Variants in MAN1C1 observed in about 807,000 individuals in gnomAD.
MAN1C1 encodes the protein mannosidase alpha class 1C member 1.
In MAN1C1, 49 loss-of-function variants were observed where a neutral mutation model predicts 71.5. That is an observed-to-expected ratio of 0.69 (90% confidence interval 0.54 to 0.87). MAN1C1 has a LOEUF of 0.87. MAN1C1 is among the 40% of genes least tolerant of loss of function. The pLI is 0.00. For synonymous variants in MAN1C1, 352 were observed against 343.7 expected (o/e 1.02, Z -0.27); for missense variants, 743 against 835.0 (o/e 0.89, Z 1.36).
At chr1:25,660,689 C>T (rs546268256) in intron 1 of MAN1C1, among the ~76,000 whole-genome samples, 4 of 151,256 alleles carry the variant, frequency 2.6e-5, no homozygotes, top group East Asian at 2.0e-4. Context: ...TCACCATGCC[C>T]GGCCTGAAAC....
At chr1:25,679,260 A>G (rs2046111774) in intron 1 of MAN1C1, among the ~76,000 whole-genome samples, 1 of 152,302 alleles carries the variant, frequency 6.6e-6, no homozygotes, top group Middle Eastern at 3.4e-3. Flanking sequence ...GAGTAGGAAG[A>G]AAACAGGCAC....
intron 2 of MAN1C1, among the ~76,000 whole-genome samples, chr1:25,695,504 T>C (rs1360634669): frequency 6.6e-6 from 1 of 152,160 alleles, no homozygotes; most frequent in African/African-American, 2.4e-5. Context: ...GGCCACCTTC[T>C]GATGATCAGA....
Position 25,764,274 on chromosome 1 carries a change from C to T in MAN1C1, c.1141+307C>T, listed in dbSNP as rs1168685553. On this transcript the variant is annotated intron_variant, in intron 7 of 11. Transcript: ENST00000374332. The surrounding 1 kb of genome is among the most constrained non-coding windows in gnomAD (Gnocchi z 4.4). ...CAGCCTTCCATCTCTTATGCTGCTG[C>T]GGGAGCCTCCTGCATTATACCCCAG... Among the ~76,000 whole-genome samples, 1 of 152,132 alleles carries T rather than the reference C, an allele frequency of 6.6e-6. No individual in the cohort carries two copies. The highest frequency in any genetic ancestry group is 2.4e-5 in the African/African-American group (1 of 41,420).
chr1:25,643,145 G>A (rs1448638461), intron 1 of MAN1C1, among the ~76,000 whole-genome samples: 3 of 152,000 alleles, frequency 2.0e-5, no homozygotes, highest in African/African-American at 7.3e-5. Flanking sequence ...CAGAGGGACG[G>A]GGTTGGGGAG....
At chr1:25,619,223 G>A (rs541311830) in intron 1 of MAN1C1, among the ~76,000 whole-genome samples, 368 of 152,352 alleles carry the variant, frequency 2.4e-3, no homozygotes, top group Non-Finnish European at 4.4e-3. Context: ...GCAATGCAGA[G>A]GGGGCTGCAG....
At chr1:25,693,492 G>A (rs2092320) in intron 2 of MAN1C1, among the ~76,000 whole-genome samples, 35,357 of 152,148 alleles carry the variant, frequency 0.23, 6,839 homozygotes, top group African/African-American at 0.53. Context: ...TTAGCTAGAC[G>A]TGGTGCCGCC....
At chr1:25,652,728 A>G (rs568582929) in intron 1 of MAN1C1, among the ~76,000 whole-genome samples, 1 of 152,332 alleles carries the variant, frequency 6.6e-6, no homozygotes, top group East Asian at 1.9e-4. Flanking sequence ...TTTTCTGCAC[A>G]ATGGGTGACA....
At chr1:25,710,341 G>C (rs951795598) in intron 2 of MAN1C1, among the ~76,000 whole-genome samples, 1 of 152,192 alleles carries the variant, frequency 6.6e-6, no homozygotes, top group Non-Finnish European at 1.5e-5. Flanking sequence ...TAAAAGCCTG[G>C]CCTGCCCAGG....
At chr1:25,777,301 G>A (rs777122615) in intron 8 of MAN1C1, among the ~76,000 whole-genome samples, 9 of 152,146 alleles carry the variant, frequency 5.9e-5, no homozygotes, top group East Asian at 1.9e-4. Context: ...GTCTGGCCTC[G>A]AGACTGTGTG....
chr1:25,642,197 C>T (rs895323058), intron 1 of MAN1C1, among the ~76,000 whole-genome samples: 13 of 152,340 alleles, frequency 8.5e-5, no homozygotes, highest in African/African-American at 2.9e-4. Context: ...GCTGCCTCTG[C>T]TATTCTCATT....
At chr1:25,639,705 CAG>C (rs2045512483) in intron 1 of MAN1C1, among the ~76,000 whole-genome samples, 1 of 152,112 alleles carries the variant, frequency 6.6e-6, no homozygotes. Flanking sequence ...CTTCAGTGTA[CAG>C]GTTTTTGCAT....
chr1:25,659,546 ATCTT>A (rs1267466469), intron 1 of MAN1C1, among the ~76,000 whole-genome samples: 1 of 152,200 alleles, frequency 6.6e-6, no homozygotes, highest in African/African-American at 2.4e-5. Flanking sequence ...TTCAAAAGAA[ATCTT>A]TCTTTTTTAG....
intron 2 of MAN1C1, among the ~76,000 whole-genome samples, chr1:25,695,628 GCTTTC>G (rs1557769160): frequency 6.6e-6 from 1 of 152,196 alleles, no homozygotes; most frequent in Non-Finnish European, 1.5e-5. Context: ...CACACTCTGC[GCTTTC>G]CTTCTTCAAA....
chr1:25,698,947 T>C (rs1220361187), intron 2 of MAN1C1, among the ~76,000 whole-genome samples: 1 of 140,710 alleles, frequency 7.1e-6, no homozygotes, highest in African/African-American at 2.6e-5. Context: ...GACTCTGTCT[T>C]GGAAAAAAAA....
At chr1:25,692,590 G>A (rs1173156101) in intron 2 of MAN1C1, among the ~76,000 whole-genome samples, 1 of 152,150 alleles carries the variant, frequency 6.6e-6, no homozygotes, top group African/African-American at 2.4e-5. Flanking sequence ...TTGCACAGAT[G>A]AGGAGATTGG....
chr1:25,767,625 TCACA>T (rs149150901), intron 7 of MAN1C1, among the ~76,000 whole-genome samples: 3 of 84,410 alleles, frequency 3.6e-5, no homozygotes, highest in East Asian at 8.1e-4. Flanking sequence ...CACACTCCCC[TCACA>T]CACACACATT....
At chr1:25,750,338 G>T (rs374996147) in intron 4 of MAN1C1, among the ~76,000 whole-genome samples, 7 of 152,288 alleles carry the variant, frequency 4.6e-5, no homozygotes, top group African/African-American at 1.7e-4. Context: ...TGGCGAGGTT[G>T]GCTGAGTCCC....
rs976553429 is a variant in MAN1C1 at position 25,631,404 on chromosome 1, G to A, written c.540+13067G>A. ...TGTCATATATGGCTTTTATTATTTT[G>A]AGATAAGTCCTTTCTATGCCTGGTT... On this transcript the variant is annotated intron_variant, in intron 1 of 11. Coordinates refer to ENST00000374332, the MANE Select transcript of MAN1C1 (RefSeq NM_020379.4). The surrounding 1 kb of genome is among the most constrained non-coding windows in gnomAD (Gnocchi z 4.2). Among the ~76,000 whole-genome samples the A allele has an allele frequency of 2.0e-5, 3 of 152,166 alleles. No homozygotes were observed. The highest frequency in any genetic ancestry group is 7.2e-5 in the African/African-American group (3 of 41,436).
intron 2 of MAN1C1, among the ~76,000 whole-genome samples, chr1:25,714,911 A>G (rs1466659240): frequency 6.6e-6 from 1 of 151,998 alleles, no homozygotes; most frequent in African/African-American, 2.4e-5. Flanking sequence ...GTTAGTCTGC[A>G]CTCTCCAGTT....
Sources: gnomAD v4.1 joint callset for allele counts (sites outside exome capture counted in the v4.1 genomes callset) on GRCh38, gnomAD v4.1.1 for gene constraint, Gnocchi (gnomAD v3.1) non-coding constraint, MANE v1.5 for transcripts, NCBI Gene and HGNC (gene_info 2026-07-23, HGNC 2026-07-21) for gene names.